Variants in CHM observed in about 807,000 individuals in gnomAD.
CHM encodes the protein CHM Rab escort protein, also known as rab proteins geranylgeranyltransferase component A 1.
CHM carries 10 observed loss-of-function variants against 49.0 expected under a neutral mutation model. The ratio of observed to expected loss-of-function variants is 0.20; its 90% CI spans 0.13 to 0.35. CHM has a LOEUF of 0.35. CHM is among the 10% of genes least tolerant of loss of function. The pLI is 1.00. For missense variants in CHM, 455 were observed against 478.4 expected (o/e 0.95, Z 0.46); for synonymous variants, 184 against 167.5 (o/e 1.10, Z -0.76).
At chrX:86,040,359 G>A (rs990935395) in intron 1 of CHM, among the ~76,000 whole-genome samples, 2 of 112,145 alleles carry the variant, frequency 1.8e-5, no homozygotes, top group Non-Finnish European at 3.8e-5. Flanking sequence ...GTCCGAGTGA[G>A]TGGAGTTCAT....
In CHM at chrX:85,862,496, C is replaced by A. The variant is rs1569387585; in HGVS notation, c.*2134G>T. 1 of 111,966 alleles carries A rather than the reference C, an allele frequency of 8.9e-6. No homozygotes were observed. The highest frequency in any genetic ancestry group is 1.9e-5 in the Non-Finnish European group (1 of 53,127). The allele number at this position is 111,966 out of a possible 1,213,427, so 9.2% of individuals were successfully genotyped here. A position where few individuals can be genotyped will look rare whatever the true frequency, so the allele number is the denominator to read the frequency against. On this transcript the variant is annotated 3_prime_UTR_variant, in exon 15 of 15. Transcript: ENST00000357749. ...ATGTATTAGACATTGAGTGCATATGCCCCAGCTGGGTTTCAGGAAACATGA... is the reference window on the plus strand; with the variant it reads ...ATGTATTAGACATTGAGTGCATATGACCCAGCTGGGTTTCAGGAAACATGA...
intron 2 of CHM, among the ~76,000 whole-genome samples, chrX:86,013,500 G>A (rs1198310938): frequency 1.8e-5 from 2 of 111,350 alleles, no homozygotes; most frequent in Non-Finnish European, 3.8e-5. Context: ...TTGGGTGGCC[G>A]AGACAGGCGG....
chrX:86,001,814 T>C (rs1320767868), intron 2 of CHM, among the ~76,000 whole-genome samples: 1 of 110,062 alleles, frequency 9.1e-6, no homozygotes, highest in Non-Finnish European at 1.9e-5. Flanking sequence ...TTACAATCAA[T>C]TGAAAAACAA....
At chrX:85,957,312 C>A (rs892467618) in intron 7 of CHM, among the ~76,000 whole-genome samples, 8 of 111,390 alleles carry the variant, frequency 7.2e-5, no homozygotes, top group African/African-American at 2.6e-4. Context: ...GGCCCCAGAT[C>A]ACATAATGAA....
chrX:85,876,517 T>C (rs1030770411), intron 13 of CHM, among the ~76,000 whole-genome samples: 2 of 111,630 alleles, frequency 1.8e-5, no homozygotes, highest in Non-Finnish European at 3.8e-5. Context: ...GGCAGGAAAA[T>C]GAATTGAGTT....
At chrX:85,947,756 A>G (rs1929493929) in intron 8 of CHM, among the ~76,000 whole-genome samples, 1 of 112,457 alleles carries the variant, frequency 8.9e-6, no homozygotes, top group African/African-American at 3.2e-5. Context: ...AGCTTGTGTT[A>G]CACAATTTCC....
chrX:86,034,651 G>A (rs1382709376), intron 1 of CHM, among the ~76,000 whole-genome samples: 4 of 111,006 alleles, frequency 3.6e-5, no homozygotes, highest in Non-Finnish European at 7.6e-5. Context: ...ATGGTGGCAG[G>A]CGCCTGTAAT....
chrX:85,884,152 C>T (rs1191288153), intron 12 of CHM, among the ~76,000 whole-genome samples: 9 of 110,273 alleles, frequency 8.2e-5, no homozygotes. Flanking sequence ...TTGAAAAACA[C>T]AATAAACAAA....
intron 8 of CHM, 62 bp downstream of exon 8, chrX:85,956,081 TGCCTGCCTAA>T (rs1929991957): frequency 1.2e-6 from 1 of 860,177 alleles, no homozygotes; most frequent in Non-Finnish European, 1.7e-6. Context: ...ATCTCATTTT[TGCCTGCCTAA>T]TTTTCATCTG....
chrX:85,967,485 G>T (rs1930642756), intron 4 of CHM, among the ~76,000 whole-genome samples: 1 of 111,524 alleles, frequency 9.0e-6, no homozygotes, highest in East Asian at 2.8e-4. Flanking sequence ...TTATGATGGG[G>T]TTACGTCCTG....
intron 8 of CHM, among the ~76,000 whole-genome samples, chrX:85,912,417 A>G (rs916416218): frequency 5.4e-5 from 6 of 111,660 alleles, no homozygotes; most frequent in African/African-American, 2.0e-4. Context: ...GACAAAAGAA[A>G]TAGGATTAAA....
At chrX:85,956,627 T>C (rs1396400003) in intron 7 of CHM, among the ~76,000 whole-genome samples, 1 of 111,340 alleles carries the variant, frequency 9.0e-6, no homozygotes, top group African/African-American at 3.3e-5. Context: ...TAAAAAAAAC[T>C]AGAAAATATT....
In CHM at chrX:85,978,997, A is replaced by T. The variant is rs1272950756; in HGVS notation, c.190-106T>A. 3 of 870,418 alleles carry T rather than the reference A, an allele frequency of 3.4e-6. No individual in the cohort carries two copies. In the African/African-American group the frequency reaches 6.0e-5, roughly 17 times the overall value. The allele number at this position is 870,418 out of a possible 1,213,427, so 71.7% of individuals were successfully genotyped here. On this transcript the variant is annotated intron_variant, in intron 3 of 14. Coordinates refer to ENST00000357749, the MANE Select transcript of CHM (RefSeq NM_000390.4). ...TCTAAATTCATGCTTATTTCATCTT[A>T]CCAAAACTCAAAGGATATCACCTCA...
At chrX:86,027,582 T>C (rs1218631479) in intron 1 of CHM, 25 bp from the exon 2 acceptor site, 2 of 1,155,975 alleles carry the variant, frequency 1.7e-6, no homozygotes, top group African/African-American at 1.8e-5. Context: ...ACCCGTATCA[T>C]TTAGAATGTA....
rs765261726 is a variant in CHM, at chrX:86,012,575, C to T, written c.116+14916G>A. Among the ~76,000 whole-genome samples, 4 of 111,683 alleles carry T rather than the reference C, an allele frequency of 3.6e-5. No individual in the cohort carries two copies. The South Asian group carries it at 1.5e-3, about 42-fold the overall frequency. On this transcript the variant is annotated intron_variant, in intron 2 of 14. Coordinates refer to ENST00000357749, the MANE Select transcript of CHM (RefSeq NM_000390.4). The stretch of plus-strand genomic sequence containing the variant: ...CTCCCACTTTAAGGTCCATAAATAG[C>T]CCTAAGGAAAAAGCCAAGGCTGAAT...
At chrX:86,042,453 C>A (rs754725186) in intron 1 of CHM, among the ~76,000 whole-genome samples, 39 of 110,132 alleles carry the variant, frequency 3.5e-4, no homozygotes, top group Middle Eastern at 4.2e-3. Context: ...TAGCAGAAGG[C>A]AAAGGGGAAG....
chrX:86,028,762 G>T (rs1933936589), intron 1 of CHM, among the ~76,000 whole-genome samples: 1 of 111,397 alleles, frequency 9.0e-6, no homozygotes, highest in Admixed American at 9.6e-5. Context: ...AATAAAGCAT[G>T]CTTTAAAAGT....
At chrX:85,929,762 A>C (rs889175442) in intron 8 of CHM, among the ~76,000 whole-genome samples, 9 of 112,096 alleles carry the variant, frequency 8.0e-5, no homozygotes, top group African/African-American at 2.9e-4. Context: ...TTTATAGTCA[A>C]TTCCTCCCTT....
In CHM at chrX:85,997,135, T is replaced by G. The variant is rs192171675; in HGVS notation, c.117-15326A>C. 2.7e-5 allele frequency among the ~76,000 whole-genome samples: 3 copies of G among 111,604 alleles called. No individual in the cohort carries two copies. The East Asian group carries it at 8.5e-4, about 32-fold the overall frequency. On this transcript the variant is annotated intron_variant, in intron 2 of 14. Coordinates refer to ENST00000357749, the MANE Select transcript of CHM (RefSeq NM_000390.4). ...ATTTGTATTTCAAACATTTTCAGAG[T>G]GTCATATCCACAGTGAGAAGTCAAT...
Sources: gnomAD v4.1 joint callset for allele counts (sites outside exome capture counted in the v4.1 genomes callset) on GRCh38, gnomAD v4.1.1 for gene constraint, MANE v1.5 for transcripts, NCBI Gene and HGNC (gene_info 2026-07-23, HGNC 2026-07-21) for gene names.